JMJD1C: variants seen among roughly 807,000 people sequenced by gnomAD.
JMJD1C encodes the protein jumonji domain containing 1C, also known as jumonji domain-containing protein 1C.
Under a neutral mutation model 245.3 loss-of-function variants are expected in JMJD1C, and 31 were observed. The observed-to-expected ratio is 0.13, with a 90% CI of 0.09 to 0.17. JMJD1C has a LOEUF of 0.17. Among genes scored for constraint, JMJD1C ranks in the 10% least tolerant of loss-of-function variants. The pLI, the probability that JMJD1C is intolerant of heterozygous loss-of-function variation, is 1.00. For synonymous variants in JMJD1C, 1,057 were observed against 1,017.4 expected, an observed-to-expected ratio of 1.04 and a Z score of -0.74; for missense variants, 2,691 against 3,000.2, an observed-to-expected ratio of 0.90 and a Z score of 2.41.
intron 1 of JMJD1C, among the ~76,000 whole-genome samples, chr10:63,440,950 G>A (rs1951347644): frequency 6.6e-6 from 1 of 152,130 alleles, no homozygotes; most frequent in Non-Finnish European, 1.5e-5. Flanking sequence ...CAGTTATGAA[G>A]ACAACCTACT....
At chr10:63,318,246 G>C (rs951619012) in intron 2 of JMJD1C, among the ~76,000 whole-genome samples, 4 of 151,992 alleles carry the variant, frequency 2.6e-5, no homozygotes, top group Non-Finnish European at 5.9e-5. Flanking sequence ...TGAACTCCTA[G>C]ACTCGAGGAA....
chr10:63,389,675 A>G (rs944043919), intron 1 of JMJD1C, among the ~76,000 whole-genome samples: 3 of 152,116 alleles, frequency 2.0e-5, no homozygotes, highest in African/African-American at 7.2e-5. Flanking sequence ...ACAAATTTTT[A>G]AAAATTAGAA....
intron 1 of JMJD1C, among the ~76,000 whole-genome samples, chr10:63,495,614 A>G (rs563243371): frequency 6.6e-6 from 1 of 152,208 alleles, no homozygotes; most frequent in East Asian, 1.9e-4. Flanking sequence ...CTCTACTAAA[A>G]ATACAAAAAT....
At chr10:63,196,773 T>A (rs539097920) in intron 13 of JMJD1C, among the ~76,000 whole-genome samples, 2 of 152,270 alleles carry the variant, frequency 1.3e-5, no homozygotes, top group African/African-American at 2.4e-5. Flanking sequence ...CCTTGGATAA[T>A]CTTTCTAAAA....
chr10:63,429,331 G>C (rs1488170425), intron 1 of JMJD1C, among the ~76,000 whole-genome samples: 1 of 151,770 alleles, frequency 6.6e-6, no homozygotes, highest in Non-Finnish European at 1.5e-5. Flanking sequence ...GTTGCCTCAG[G>C]ATCTGAGAAC....
chr10:63,465,990 T>G, upstream of JMJD1C: 4 of 277,016 alleles, frequency 1.4e-5, no homozygotes, highest in Non-Finnish European at 1.4e-5. Context: ...TCCGTCTCCC[T>G]CCCCGGGCAG....
intron 12 of JMJD1C, among the ~76,000 whole-genome samples, chr10:63,198,141 G>A (rs1047513451): frequency 6.6e-6 from 1 of 152,224 alleles, no homozygotes; most frequent in African/African-American, 2.4e-5. Context: ...CTGATATCCA[G>A]AGAGGTTATT....
intron 1 of JMJD1C, among the ~76,000 whole-genome samples, chr10:63,476,883 C>G (rs990642925): frequency 6.6e-6 from 1 of 152,082 alleles, no homozygotes. Context: ...AAAGAAATCT[C>G]TAGACAAGGA....
At chr10:63,347,655 G>A (rs971899219) in intron 2 of JMJD1C, among the ~76,000 whole-genome samples, 1 of 151,816 alleles carries the variant, frequency 6.6e-6, no homozygotes, top group Admixed American at 6.6e-5. Context: ...GCTCATGCCT[G>A]TAATCCCAGC....
At position 63,268,982 on chromosome 10, in the gene JMJD1C, T is replaced by C; in HGVS notation, c.334-4218A>G. The C allele has an allele frequency of 3.0e-6, 3 of 985,566 alleles. No individual in the cohort carries two copies. The South Asian group carries it at 1.4e-4, about 46-fold the overall frequency. 61.1% of individuals were successfully genotyped at this position (985,566 alleles called of 1,614,324 possible). A position where few individuals can be genotyped will look rare whatever the true frequency, so the allele number is the denominator to read the frequency against. On this transcript the variant is annotated intron_variant, in intron 2 of 25. Coordinates refer to ENST00000399262, the MANE Select transcript of JMJD1C (RefSeq NM_032776.3). ...CCCTGGCAGTGATGAGGATTACAAC[T>C]CGCTCTTTGTCATCAGCACTGTGGT...
intron 5 of JMJD1C, 142 bp from the exon 6 acceptor site, chr10:63,215,838 T>G: frequency 1.8e-6 from 1 of 559,756 alleles, no homozygotes; most frequent in Non-Finnish European, 2.9e-6. Context: ...ATAATTTGTT[T>G]TATTCACTTA....
intron 7 of JMJD1C, 36 bp from the exon 8 acceptor site, chr10:63,215,187 T>C (rs757397228): frequency 4.0e-6 from 6 of 1,513,584 alleles, no homozygotes; most frequent in Non-Finnish European, 4.5e-6. Context: ...TTATTTTTCA[T>C]ACTAAATAAG....
chr10:63,335,535 A>T (rs1159494409), intron 2 of JMJD1C, among the ~76,000 whole-genome samples: 2 of 152,180 alleles, frequency 1.3e-5, no homozygotes, highest in Non-Finnish European at 2.9e-5. Context: ...GTTATGAGAC[A>T]AAGTCTTACT....
chr10:63,361,012 G>A (rs997348443), intron 2 of JMJD1C, among the ~76,000 whole-genome samples: 6 of 152,060 alleles, frequency 3.9e-5, no homozygotes, highest in African/African-American at 1.4e-4. Flanking sequence ...CATTACAAAT[G>A]AACAGTTTCA....
intron 1 of JMJD1C, among the ~76,000 whole-genome samples, chr10:63,517,200 T>C (rs1476548699): frequency 6.6e-6 from 1 of 152,196 alleles, no homozygotes; most frequent in Non-Finnish European, 1.5e-5. Flanking sequence ...AGACATTATC[T>C]TTGTACCCTC....
chr10:63,362,008 TG>T (rs1296831990), intron 2 of JMJD1C, among the ~76,000 whole-genome samples: 1 of 151,790 alleles, frequency 6.6e-6, no homozygotes, highest in Admixed American at 6.6e-5. Context: ...CCGAGGCGGG[TG>T]GATCACCTGA....
chr10:63,309,611 AT>A (rs766322925), intron 2 of JMJD1C, among the ~76,000 whole-genome samples: 12 of 151,720 alleles, frequency 7.9e-5, no homozygotes, highest in Non-Finnish European at 1.8e-4. Flanking sequence ...ACATTGAAAC[AT>A]TTTGATTCAA....
rs34738955 is a variant in JMJD1C, at chr10:63,507,644, CAAAAAAAA to C, written n.113+14086_113+14093del. On this transcript the variant is annotated intron_variant and non_coding_transcript_variant, in intron 1 of 3. Coordinates refer to the JMJD1C transcript ENST00000633035. The stretch of plus-strand genomic sequence containing the variant: ...TGGGCAACAGAGTAAGACTCTGTCT[CAAAAAAAA>C]AAAAAAAAAAACAGTGGCTGTGCCA... Among the ~76,000 whole-genome samples, 3 of 58,754 alleles carry C rather than the reference CAAAAAAAA, an allele frequency of 5.1e-5. 1 individual carries two copies. In the Admixed American group the frequency reaches 6.2e-4, roughly 12 times the overall value. 38.5% of individuals were successfully genotyped at this position (58,754 alleles called of 152,430 possible).
chr10:63,220,709 T>TCTCA (rs1848501155), intron 3 of JMJD1C, among the ~76,000 whole-genome samples: 1 of 152,182 alleles, frequency 6.6e-6, no homozygotes. Flanking sequence ...TCTCTCTCTC[T>TCTCA]CTCAAAGTAC....
Sources: allele counts gnomAD v4.1 joint callset (sites outside exome capture counted in the v4.1 genomes callset), GRCh38; gene constraint gnomAD v4.1.1; transcripts MANE v1.5; gene names NCBI Gene and HGNC (gene_info 2026-07-23, HGNC 2026-07-21).